The following BCL11A variants were observed in gnomAD, a reference collection of about 807,000 sequenced individuals.
BCL11A encodes BCL11 transcription factor A, also known as B cell CLL/lymphoma 11A.
A neutral mutation model predicts 55.9 loss-of-function variants in BCL11A; 2 were observed. The observed-to-expected ratio is 0.04, with a 90% CI of 0.01 to 0.11. The LOEUF is 0.11. Ranked by LOEUF, BCL11A falls within the 10% of genes least tolerant of loss-of-function variation. The pLI, the probability that BCL11A is intolerant of heterozygous loss-of-function variation, is 1.00. For missense variants in BCL11A, 817 were observed against 1,137.1 expected (o/e 0.72, Z 4.05); for synonymous variants, 465 against 473.4 (o/e 0.98, Z 0.23).
At position 60,504,053 on chromosome 2, in the gene BCL11A, C is replaced by T. The variant is rs111592722; in HGVS notation, c.386-35220G>A. 5.0e-3 allele frequency among the ~76,000 whole-genome samples: 767 copies of T among 152,246 alleles called. 7 individuals carry two copies. Among genetic ancestry groups the T allele is most frequent in the African/African-American group, 0.018 (732 of 41,536 alleles). The stretch of plus-strand genomic sequence containing the variant: ...TGCTGGAAGCCTACATGGCTTCGAG[C>T]GGCACATTCTGAGAACTCTGAAGAG... On this transcript the variant is annotated intron_variant, in intron 2 of 3. Coordinates refer to ENST00000642384, the MANE Select transcript of BCL11A (RefSeq NM_022893.4).
At chr2:60,479,579 C>T (rs1295707617) in intron 2 of BCL11A, among the ~76,000 whole-genome samples, 1 of 152,224 alleles carries the variant, frequency 6.6e-6, no homozygotes, top group African/African-American at 2.4e-5. Flanking sequence ...GCCCACAGAT[C>T]TCAGCTGCCA....
intron 2 of BCL11A, among the ~76,000 whole-genome samples, chr2:60,499,303 T>C (rs2104389788): frequency 6.6e-6 from 1 of 152,328 alleles, no homozygotes; most frequent in South Asian, 2.1e-4. Flanking sequence ...TGCCCAGCCA[T>C]ACCCTTCTGG....
chr2:60,464,038 C>T (rs1676463936), intron 3 of BCL11A, among the ~76,000 whole-genome samples: 1 of 152,154 alleles, frequency 6.6e-6, no homozygotes, highest in South Asian at 2.1e-4. Flanking sequence ...TCTCAGGAGC[C>T]CCCAAACACT....
chr2:60,476,371 G>A (rs569097505), intron 2 of BCL11A, among the ~76,000 whole-genome samples: 68 of 152,366 alleles, frequency 4.5e-4, no homozygotes, highest in African/African-American at 1.6e-3. Context: ...TAAATGTCAA[G>A]GGAAAAGGTC....
chr2:60,505,059 A>T (rs1193773280), intron 2 of BCL11A, among the ~76,000 whole-genome samples: 1 of 152,030 alleles, frequency 6.6e-6, no homozygotes, highest in African/African-American at 2.4e-5. Flanking sequence ...AACCTCTCTA[A>T]GCTTCAACTA....
intron 1 of BCL11A, among the ~76,000 whole-genome samples, chr2:60,551,171 AG>A (rs898298231): frequency 6.6e-6 from 1 of 152,172 alleles, no homozygotes; most frequent in African/African-American, 2.4e-5. Context: ...TAAATTGAGT[AG>A]GGGGGGAATG....
Position 60,460,869 on chromosome 2 carries a change from T to C in BCL11A, c.2043A>G (p.Gln681=). 6.2e-7 allele frequency: 1 copy of C among 1,613,266 alleles called. No homozygotes were observed. Among genetic ancestry groups the C allele is most frequent in the Non-Finnish European group, 8.5e-7 (1 of 1,180,022 alleles). The change falls in exon 4 of 4, where the codon CAA becomes CAG. Residue 681 remains glutamine, a synonymous_variant. Transcript: ENST00000642384. ...DPFLSFGDSR[Q]SPFASSSEHS... Reference sequence around the variant, plus strand: ...GCTCCGACGAGGAGGCAAAAGGCGATTGTCTGGAGTCTCCGAAGCTAAGGA... The same window carrying C: ...GCTCCGACGAGGAGGCAAAAGGCGACTGTCTGGAGTCTCCGAAGCTAAGGA...
Position 60,462,330 on chromosome 2 carries a change from T to A in BCL11A, c.582A>T (p.Gly194=), listed in dbSNP as rs370765972. ...GTTCGCTTTCTAAGTAGATTCTTAA[T>A]CCATGAGTGTTCTGTGCGTGTTGCA... ...FLLQHAQNTH[G]LRIYLESEHG... is the part of the protein sequence containing the mutation. Residue 194 remains glycine (G), a synonymous_variant, in exon 4 of 4, where the codon GGA becomes GGT. Transcript: ENST00000642384. 2 of 1,614,008 alleles carry A rather than the reference T, an allele frequency of 1.2e-6. No individual in the cohort carries two copies. Among genetic ancestry groups the A allele is most frequent in the African/African-American group, 2.7e-5 (2 of 74,896 alleles).
In BCL11A at chr2:60,460,404, C is replaced by G; in HGVS notation, c.2508G>C (p.Ter836TyrextTer38). 6.3e-7 allele frequency: 1 copy of G among 1,591,818 alleles called. No homozygotes were observed. Among genetic ancestry groups the G allele is most frequent in the South Asian group, 1.1e-5 (1 of 88,976 alleles). The change falls in exon 4 of 4, where the codon TAG becomes TAC. Residue 836 changes from the stop codon to tyrosine, a stop_lost. Transcript: ENST00000642384. ...GTGAGGGAGGGGTATTAATATACCT[C>G]TATTCAGTTTTTATATCATTATTCA... ...RVLNNDIKTE[*>Y]
chr2:60,467,717 GT>G (rs1368402468), intron 3 of BCL11A, among the ~76,000 whole-genome samples: 43 of 100,108 alleles, frequency 4.3e-4, no homozygotes, highest in African/African-American at 1.6e-3. Flanking sequence ...GGTGGTGATG[GT>G]ACTGGTGGTG....
Position 60,553,404 on chromosome 2 carries a change from C to T in BCL11A, c.-134G>A, listed in dbSNP as rs764942542. ...TATCTTCATCAGTGCCTTTTGACAT[C>T]CAAAATAAATTAGAAATAATACAAA... On this transcript the variant is annotated 5_prime_UTR_variant, in exon 1 of 4. Coordinates refer to ENST00000642384, the MANE Select transcript of BCL11A (RefSeq NM_022893.4). The T allele has an allele frequency of 3.0e-6, 2 of 664,776 alleles. No individual in the cohort carries two copies. The highest frequency in any genetic ancestry group is 4.3e-5 in the African/African-American group (2 of 46,182). The allele number at this position is 664,776 out of a possible 1,614,324, so 41.2% of individuals were successfully genotyped here.
At chr2:60,495,179 G>A (rs754550665) in intron 2 of BCL11A, among the ~76,000 whole-genome samples, 16 of 152,244 alleles carry the variant, frequency 1.1e-4, no homozygotes, top group Middle Eastern at 6.8e-3. Flanking sequence ...CTGGGCAAAC[G>A]GCCACCGATG....
intron 2 of BCL11A, among the ~76,000 whole-genome samples, chr2:60,490,335 G>C (rs1678554678): frequency 1.3e-5 from 2 of 152,164 alleles, no homozygotes; most frequent in Admixed American, 6.5e-5. Context: ...GCAGCCCTCT[G>C]TGATCTATAG....
chr2:60,452,790 C>T (rs1572938913), downstream of BCL11A: 4 of 701,604 alleles, frequency 5.7e-6, no homozygotes, highest in South Asian at 7.1e-5. Context: ...CAGGTCGAGC[C>T]ACTGGCATCT....
intron 2 of BCL11A, among the ~76,000 whole-genome samples, chr2:60,490,255 AC>A (rs1186592054): frequency 6.6e-6 from 1 of 151,682 alleles, no homozygotes; most frequent in East Asian, 1.9e-4. Context: ...CAACTCATCC[AC>A]CCCCTTTGCA....
At chr2:60,537,341 AAC>A (rs1669715100) in intron 2 of BCL11A, 1 of 152,242 alleles carries the variant, frequency 6.6e-6, no homozygotes, top group Non-Finnish European at 1.5e-5. Flanking sequence ...TTTAAGATTT[AAC>A]ATTGGTTAAT....
intron 3 of BCL11A, among the ~76,000 whole-genome samples, chr2:60,468,474 C>T (rs1386778116): frequency 1.3e-5 from 2 of 152,114 alleles, no homozygotes; most frequent in Admixed American, 1.3e-4. Flanking sequence ...CGGAGCAAGA[C>T]AAGACCCTGG....
intron 2 of BCL11A, among the ~76,000 whole-genome samples, chr2:60,473,086 A>C (rs1677302314): frequency 1.3e-5 from 2 of 148,528 alleles, no homozygotes; most frequent in Non-Finnish European, 1.5e-5. Context: ...GACTGTGTGC[A>C]TGTGTGTGTA....
At chr2:60,464,032 A>G (rs1676463388) in intron 3 of BCL11A, among the ~76,000 whole-genome samples, 1 of 152,192 alleles carries the variant, frequency 6.6e-6, no homozygotes, top group Admixed American at 6.5e-5. Context: ...GGGTCTTCTC[A>G]GGAGCCCCCA....
Sources: gnomAD v4.1 joint callset for allele counts (sites outside exome capture counted in the v4.1 genomes callset) on GRCh38, gnomAD v4.1.1 for gene constraint, MANE v1.5 for transcripts, NCBI Gene and HGNC (gene_info 2026-07-23, HGNC 2026-07-21) for gene names.